Variants in PITX1 observed in about 807,000 individuals in gnomAD.
The protein encoded by PITX1 is paired like homeodomain 1.
In PITX1, 5 loss-of-function variants were observed where a neutral mutation model predicts 24.1. The ratio of observed to expected loss-of-function variants is 0.21; its 90% CI spans 0.11 to 0.44. PITX1 has a LOEUF of 0.44. Ranked by LOEUF, PITX1 falls within the 20% of genes least tolerant of loss-of-function variation. The pLI, the probability that PITX1 is intolerant of heterozygous loss-of-function variation, is 0.99. For missense variants in PITX1, 401 were observed against 455.4 expected (o/e 0.88, Z 1.09); for synonymous variants, 213 against 208.9 (o/e 1.02, Z -0.17).
At position 135,029,178 on chromosome 5, in the gene PITX1, G is replaced by A. The variant is rs1324260438; in HGVS notation, c.546C>T (p.Asn182=). The change falls in exon 3 of 3, where the codon AAC becomes AAT. Residue 182 remains asparagine, a synonymous_variant. Transcript: ENST00000265340. The part of the protein sequence containing the change: ...EDVYAAGYSY[N]NWAAKSLAPA... ...GCGCCAGGCTCTTGGCGGCCCAGTTGTTGTAGGAGTAGCCGGCGGCGTACA... is the reference window on the plus strand; with the variant it reads ...GCGCCAGGCTCTTGGCGGCCCAGTTATTGTAGGAGTAGCCGGCGGCGTACA... The A allele has an allele frequency of 1.2e-6, 2 of 1,614,122 alleles. No individual in the cohort carries two copies. Among genetic ancestry groups the A allele is most frequent in the African/African-American group, 2.7e-5 (2 of 74,956 alleles).
Position 135,033,620 on chromosome 5 carries a change from G to T in PITX1, c.169+93C>A. 7.7e-7 allele frequency: 1 copy of T among 1,300,472 alleles called. No individual in the cohort carries two copies. Among genetic ancestry groups the T allele is most frequent in the East Asian group, 2.5e-5 (1 of 40,286 alleles). 80.6% of individuals were successfully genotyped at this position (1,300,472 alleles called of 1,614,324 possible). A position where few individuals can be genotyped will look rare whatever the true frequency, so the allele number is the denominator to read the frequency against. On this transcript the variant is annotated intron_variant, in intron 1 of 2. Coordinates refer to ENST00000265340, the MANE Select transcript of PITX1 (RefSeq NM_002653.5). The surrounding 1 kb of genome is among the most constrained non-coding windows in gnomAD (Gnocchi z 5.9). ...GCTTCTGGGGCGGAGAGGGAGCTTGGTTGCGCGGCGCGGGCGTCAGGCCCT... is the reference window on the plus strand; with the variant it reads ...GCTTCTGGGGCGGAGAGGGAGCTTGTTTGCGCGGCGCGGGCGTCAGGCCCT...
chr5:135,031,035 G>A (rs921869937), intron 2 of PITX1, among the ~76,000 whole-genome samples: 7 of 152,222 alleles, frequency 4.6e-5, no homozygotes, highest in African/African-American at 1.7e-4. Context: ...GGCTGGGGTT[G>A]CCTTAGTCCG....
chr5:135,029,323 T>TG lies in PITX1; in HGVS notation c.403-3dup. The TG allele has an allele frequency of 1.3e-6, 2 of 1,586,936 alleles. No homozygotes were observed. The highest frequency in any genetic ancestry group is 2.2e-5 in the East Asian group (1 of 44,602). On this transcript the variant is annotated splice_region_variant and splice_polypyrimidine_tract_variant and intron_variant, in intron 2 of 2. Transcript: ENST00000265340. ...GGCTCGCCGGTTCTTGAACCAGACC[T>TG]GGGGGAGGGGACGGGAGAAGGGTCA...
Position 135,033,756 on chromosome 5 carries a change from C to A in PITX1, c.126G>T (p.Pro42=), listed in dbSNP as rs1258933357. 8 of 1,593,602 alleles carry A rather than the reference C, an allele frequency of 5.0e-6. No homozygotes were observed. In the East Asian group the frequency reaches 1.8e-4, roughly 36 times the overall value. ...HLARPADPRE[P]LENSASESSD... ...ACGACTCGCTGGCGGAGTTCTCGAG[C>A]GGCTCGCGGGGGTCGGCGGGCCGGG... Residue 42 remains proline, a synonymous_variant, in exon 1 of 3, where the codon CCG becomes CCT. Transcript: ENST00000265340. This position sits in a 1 kb window ranked among gnomAD's most constrained non-coding sequence, Gnocchi z 5.9.
In PITX1 at chr5:135,029,239, G is replaced by A; in HGVS notation, c.485C>T (p.Pro162Leu). 1 of 1,613,584 alleles carries A rather than the reference G, an allele frequency of 6.2e-7. No individual in the cohort carries two copies. Among genetic ancestry groups the A allele is most frequent in the Non-Finnish European group, 8.5e-7 (1 of 1,179,666 alleles). The stretch of plus-strand genomic sequence containing the variant: ...GGGCTGCACTAGGCCGCTGAACTGC[G>A]GCACGTAGCCACCCTTGCACAGGTC... ...QLDLCKGGYV[P>L]QFSGLVQPYE... The change falls in exon 3 of 3, where the codon CCG becomes CTG. Residue 162 changes from proline to leucine, a missense_variant. By Grantham distance (98) the Pro-to-Leu change is moderately conservative. This residue lies in a region of PITX1 where 217 missense variants were observed against 219.8 expected (regional missense o/e 0.99). Transcript: ENST00000265340.
At chr5:135,032,178 A>G (rs912613736) in intron 1 of PITX1, among the ~76,000 whole-genome samples, 1 of 152,258 alleles carries the variant, frequency 6.6e-6, no homozygotes, top group Non-Finnish European at 1.5e-5. Flanking sequence ...ACAGAAGCCC[A>G]GAAAAGCTCA....
At position 135,033,807 on chromosome 5, in the gene PITX1, A is replaced by G. The variant is rs752568337; in HGVS notation, c.75T>C (p.His25=). The G allele has an allele frequency of 2.6e-6, 4 of 1,565,514 alleles. No homozygotes were observed. Among genetic ancestry groups the G allele is most frequent in the Non-Finnish European group, 3.4e-6 (4 of 1,164,858 alleles). ...EGLRPPPPPP[H]DMGPAFHLAR... The stretch of plus-strand genomic sequence containing the variant: ...CCAGGTGGAAGGCGGGCCCCATGTC[A>G]TGGGGTGGCGGCGGCGGCGGCCGGA... Residue 25 remains histidine (H), a synonymous_variant, in exon 1 of 3, where the codon CAT becomes CAC. Coordinates refer to ENST00000265340, the MANE Select transcript of PITX1 (RefSeq NM_002653.5). The surrounding 1 kb of genome is among the most constrained non-coding windows in gnomAD (Gnocchi z 5.9).
chr5:135,031,229 C>G (rs755395462), intron 2 of PITX1, 47 bp downstream of exon 2: 3 of 1,485,874 alleles, frequency 2.0e-6, no homozygotes, highest in Non-Finnish European at 9.4e-7. Context: ...AGAGGCGGCC[C>G]GGGAGCCCTC....
chr5:135,030,220 A>C (rs1024239421), intron 2 of PITX1, among the ~76,000 whole-genome samples: 1 of 151,942 alleles, frequency 6.6e-6, no homozygotes, highest in African/African-American at 2.4e-5. Context: ...ATTTTCCTCC[A>C]GTTCTGAGTG....
At position 135,033,707 on chromosome 5, in the gene PITX1, G is replaced by C; in HGVS notation, c.169+6C>G. On this transcript the variant is annotated splice_donor_region_variant and intron_variant, in intron 1 of 2. Coordinates refer to ENST00000265340, the MANE Select transcript of PITX1 (RefSeq NM_002653.5). The surrounding 1 kb of genome is among the most constrained non-coding windows in gnomAD (Gnocchi z 5.9). The stretch of plus-strand genomic sequence containing the variant: ...CTGTGCGCGCCGCGCGGGGAACGGC[G>C]CTTACCTGGCAGCTCCGTGTCAGAC... 6.3e-7 allele frequency: 1 copy of C among 1,595,582 alleles called. No individual in the cohort carries two copies. Among genetic ancestry groups the C allele is most frequent in the Non-Finnish European group, 8.5e-7 (1 of 1,177,544 alleles).
At position 135,031,308 on chromosome 5, in the gene PITX1, C is replaced by G. The variant is rs753029316; in HGVS notation, c.370G>C (p.Val124Leu). 2 of 1,614,086 alleles carry G rather than the reference C, an allele frequency of 1.2e-6. No individual in the cohort carries two copies. The highest frequency in any genetic ancestry group is 1.7e-6 in the Non-Finnish European group (2 of 1,179,932). The stretch of plus-strand genomic sequence containing the variant: ...CGCGGCTCGGTGAGGTTGGTCCACA[C>G]GGCGATCTCCTCCCTCATGCTCATG... The part of the protein sequence containing the change: ...PDMSMREEIA[V>L]WTNLTEPRVR... The change falls in exon 2 of 3, where the codon GTG becomes CTG. Residue 124 changes from valine (V) to leucine (L), a missense_variant. Val to Leu is a conservative substitution (Grantham distance 32, BLOSUM62 1). This residue lies in a region of PITX1 where 48 missense variants were observed against 102.2 expected (regional missense o/e 0.47). Transcript: ENST00000265340.
chr5:135,033,847 C>T lies in PITX1; in HGVS notation c.35G>A (p.Arg12Gln), dbSNP rs1752512555. ...DAFKGGMSLE[R>Q]LPEGLRPPPP... Reference sequence around the variant, plus strand: ...CGGCGGCCGGAGCCCCTCCGGCAGCCGCTCCAGGCTCATGCCCCCCTTGAA... The same window carrying T: ...CGGCGGCCGGAGCCCCTCCGGCAGCTGCTCCAGGCTCATGCCCCCCTTGAA... Residue 12 changes from arginine (R) to glutamine (Q), a missense_variant, in exon 1 of 3, where the codon CGG becomes CAG. Around this residue, in one of 3 missense-constraint regions of PITX1, gnomAD observed 136 missense variants for 133.3 expected, o/e 1.02. Coordinates refer to ENST00000265340, the MANE Select transcript of PITX1 (RefSeq NM_002653.5). The surrounding 1 kb of genome is among the most constrained non-coding windows in gnomAD (Gnocchi z 5.9). 6.6e-7 allele frequency: 1 copy of T among 1,508,192 alleles called. No individual in the cohort carries two copies. The highest frequency in any genetic ancestry group is 8.8e-7 in the Non-Finnish European group (1 of 1,137,170). The allele number at this position is 1,508,192 out of a possible 1,614,324, so 93.4% of individuals were successfully genotyped here. A position where few individuals can be genotyped will look rare whatever the true frequency, so the allele number is the denominator to read the frequency against.
chr5:135,030,039 G>A (rs1392904974), intron 2 of PITX1, among the ~76,000 whole-genome samples: 9 of 151,770 alleles, frequency 5.9e-5, no homozygotes, highest in Admixed American at 5.9e-4. Flanking sequence ...CTTTCCTGCC[G>A]CCTAAATATA....
At chr5:135,031,855 T>C in intron 1 of PITX1, 1 of 373,384 alleles carries the variant, frequency 2.7e-6, no homozygotes, top group Non-Finnish European at 4.9e-6. Context: ...TGCGAACTCT[T>C]AGGGGGTCTA....
upstream of PITX1, chr5:135,034,582 T>A (rs1580930247): frequency 6.6e-6 from 1 of 152,260 alleles, no homozygotes; most frequent in African/African-American, 2.4e-5. Context: ...AGGCCTCAAA[T>A]GACTTGTTTC....
chr5:135,032,900 C>A, intron 1 of PITX1: 1 of 414,776 alleles, frequency 2.4e-6, no homozygotes, highest in Non-Finnish European at 4.9e-6. Flanking sequence ...GCAGAAGAGG[C>A]GCCCACACCG....
Position 135,028,615 on chromosome 5 carries a change from AAAACC to A in PITX1, c.*159_*163del, listed in dbSNP as rs1752392024. On this transcript the variant is annotated 3_prime_UTR_variant, in exon 3 of 3. Coordinates refer to ENST00000265340, the MANE Select transcript of PITX1 (RefSeq NM_002653.5). ...GAGTGGGGTCCGGAAAAGCAAACAC[AAAACC>A]AACCCGGAGTGGGAAGTGGGAGGAG... 1 of 336,870 alleles carries A rather than the reference AAAACC, an allele frequency of 3.0e-6. No homozygotes were observed. Among genetic ancestry groups the A allele is most frequent in the African/African-American group, 2.2e-5 (1 of 45,380 alleles). 20.9% of individuals were successfully genotyped at this position (336,870 alleles called of 1,614,324 possible).
In PITX1 at chr5:135,033,079, C is replaced by T. The variant is rs1394016268; in HGVS notation, c.169+634G>A. The stretch of plus-strand genomic sequence containing the variant: ...GACGCGCAGGAGCCGGGGCGGGGGC[C>T]AGAGCCGGGCTGCTCCGGGCTTCGG... On this transcript the variant is annotated intron_variant, in intron 1 of 2. Transcript: ENST00000265340. The surrounding 1 kb of genome is among the most constrained non-coding windows in gnomAD (Gnocchi z 5.9). The T allele has an allele frequency of 4.6e-6, 2 of 434,644 alleles. No homozygotes were observed. The highest frequency in any genetic ancestry group is 1.5e-4 in the East Asian group (2 of 13,214). The allele number at this position is 434,644 out of a possible 1,614,324, so 26.9% of individuals were successfully genotyped here. A position where few individuals can be genotyped will look rare whatever the true frequency, so the allele number is the denominator to read the frequency against.
intron 2 of PITX1, 61 bp from the exon 3 acceptor site, chr5:135,029,382 T>A: frequency 2.2e-6 from 3 of 1,385,884 alleles, no homozygotes; most frequent in Non-Finnish European, 3.0e-6. Context: ...CCCCACCCCC[T>A]TCCCCACCGC....
Sources: gnomAD v4.1 joint callset for allele counts (sites outside exome capture counted in the v4.1 genomes callset) on GRCh38, gnomAD v4.1.1 for gene constraint, gnomAD v4.1.1 regional missense constraint, Gnocchi (gnomAD v3.1) non-coding constraint, MANE v1.5 for transcripts, NCBI Gene and HGNC (gene_info 2026-07-23, HGNC 2026-07-21) for gene names.